Variants in ZER1 observed in about 807,000 individuals in gnomAD.
ZER1 encodes zyg-11 related cell cycle regulator.
A neutral mutation model predicts 78.8 loss-of-function variants in ZER1; 11 were observed. The ratio of observed to expected loss-of-function variants is 0.14; its 90% confidence interval spans 0.09 to 0.23. ZER1 has a LOEUF of 0.23. ZER1 is among the 10% of genes least tolerant of loss of function. The probability of loss-of-function intolerance (pLI) is 1.00; values close to 1 mark genes in which losing one functional copy is unlikely to be tolerated. For synonymous variants in ZER1, 400 were observed against 407.0 expected (o/e 0.98, Z 0.21); for missense variants, 588 against 996.9 (o/e 0.59, Z 5.52).
intron 14 of ZER1, among the ~76,000 whole-genome samples, chr9:128,733,949 G>A (rs1564389554): frequency 7.5e-6 from 1 of 132,486 alleles, no homozygotes; most frequent in East Asian, 2.2e-4. Flanking sequence ...CTAACACGGT[G>A]AAACCCCGTC....
chr9:128,743,108 CTTTTCT>C (rs970197316), intron 8 of ZER1, among the ~76,000 whole-genome samples: 5 of 151,714 alleles, frequency 3.3e-5, no homozygotes, highest in African/African-American at 9.7e-5. Context: ...AATATCTCTG[CTTTTCT>C]TTTTCTTTCT....
chr9:128,768,157 C>T (rs931637816), intron 1 of ZER1, among the ~76,000 whole-genome samples: 5 of 152,124 alleles, frequency 3.3e-5, no homozygotes, highest in African/African-American at 1.2e-4. Context: ...TCAGTTTCAG[C>T]GATTGCGCCA....
Position 128,751,419 on chromosome 9 carries a change from G to C in ZER1, c.1032C>G (p.Ala344=). ...TCCCACTTCCACTGCTCACTTTGTA[G>C]GCTGGAATGTGCGTGAGGCGGCACA... The part of the protein sequence containing the change: ...NSLCRLTHIP[A]YKVSGDKNEE... The change falls in exon 6 of 16, where the codon GCC becomes GCG. Residue 344 remains alanine (A), a synonymous_variant. Coordinates refer to ENST00000291900, the MANE Select transcript of ZER1 (RefSeq NM_006336.4). This position sits in a 1 kb window ranked among gnomAD's most constrained non-coding sequence, Gnocchi z 5.4. The C allele has an allele frequency of 6.2e-7, 1 of 1,614,142 alleles. No homozygotes were observed. The highest frequency in any genetic ancestry group is 8.5e-7 in the Non-Finnish European group (1 of 1,180,038).
At chr9:128,747,082 C>T (rs1202006546) in intron 8 of ZER1, among the ~76,000 whole-genome samples, 2 of 151,776 alleles carry the variant, frequency 1.3e-5, no homozygotes, top group African/African-American at 4.8e-5. Flanking sequence ...TCCTGTAGTC[C>T]CAGCTACTCA....
In ZER1 at chr9:128,731,316, C is replaced by A; in HGVS notation, c.*21G>T. 3.7e-6 allele frequency: 6 copies of A among 1,609,812 alleles called. No homozygotes were observed. Among genetic ancestry groups the A allele is most frequent in the Non-Finnish European group, 5.1e-6 (6 of 1,177,886 alleles). ...CCCCGCCTGTGGTCCAGAGCGGTGG[C>A]GGCCATGGGGACGGAGGCCTCTATC... On this transcript the variant is annotated 3_prime_UTR_variant, in exon 16 of 16. Coordinates refer to ENST00000291900, the MANE Select transcript of ZER1 (RefSeq NM_006336.4).
intron 1 of ZER1, among the ~76,000 whole-genome samples, chr9:128,756,264 G>A (rs1182929245): frequency 3.9e-5 from 6 of 152,154 alleles, no homozygotes; most frequent in African/African-American, 7.2e-5. Flanking sequence ...TGGCTAACAC[G>A]GTGAAACCCT....
At chr9:128,733,241 C>A in intron 15 of ZER1, 185 bp downstream of exon 15, 1 of 526,966 alleles carries the variant, frequency 1.9e-6, no homozygotes, top group Non-Finnish European at 3.4e-6. Flanking sequence ...TAATTTCCAG[C>A]CACAATGTGG....
chr9:128,766,881 C>T (rs1326497111), intron 1 of ZER1, among the ~76,000 whole-genome samples: 1 of 147,336 alleles, frequency 6.8e-6, no homozygotes, highest in Non-Finnish European at 1.5e-5. Flanking sequence ...CCCAGTGTGT[C>T]CAGCTTTCCA....
At chr9:128,736,795 C>T (rs774258498) in intron 13 of ZER1, among the ~76,000 whole-genome samples, 2 of 151,878 alleles carry the variant, frequency 1.3e-5, no homozygotes, top group Non-Finnish European at 2.9e-5. Context: ...CCCACCTCAG[C>T]CTCCTGAGGA....
chr9:128,747,738 G>A (rs1299953592), intron 8 of ZER1, among the ~76,000 whole-genome samples: 1 of 151,928 alleles, frequency 6.6e-6, no homozygotes, highest in Non-Finnish European at 1.5e-5. Context: ...CTTAGCCTCC[G>A]GAGTGGAGTA....
At chr9:128,761,447 C>T (rs1346925904) in intron 1 of ZER1, among the ~76,000 whole-genome samples, 1 of 151,660 alleles carries the variant, frequency 6.6e-6, no homozygotes, top group African/African-American at 2.4e-5. Flanking sequence ...CCCCTACACC[C>T]GGCTAATTTT....
At chr9:128,750,561 C>A in intron 8 of ZER1, 55 bp downstream of exon 8, 1 of 1,592,026 alleles carries the variant, frequency 6.3e-7, no homozygotes, top group Non-Finnish European at 8.6e-7. Flanking sequence ...ACGCAAGAAG[C>A]AGGAAAGGGG....
intron 1 of ZER1, among the ~76,000 whole-genome samples, chr9:128,770,708 T>C (rs1285602064): frequency 6.6e-6 from 1 of 152,208 alleles, no homozygotes; most frequent in Non-Finnish European, 1.5e-5. Context: ...CCTTCACCCC[T>C]GGCCACCACT....
rs1163078630 is a variant in ZER1, at chr9:128,742,890, C to T, written c.1360-145G>A. The T allele has an allele frequency of 3.9e-6, 3 of 764,692 alleles. No individual in the cohort carries two copies. The East Asian group carries it at 8.1e-5, about 21-fold the overall frequency. 47.4% of individuals were successfully genotyped at this position (764,692 alleles called of 1,614,324 possible). A position where few individuals can be genotyped will look rare whatever the true frequency, so the allele number is the denominator to read the frequency against. ...GAAGAGGAGGCTATACAAGTCTTCTCTAAAAAATGTTTTTTAAAAATGTGA... is the reference window on the plus strand; with the variant it reads ...GAAGAGGAGGCTATACAAGTCTTCTTTAAAAAATGTTTTTTAAAAATGTGA... On this transcript the variant is annotated intron_variant, in intron 8 of 15. Coordinates refer to ENST00000291900, the MANE Select transcript of ZER1 (RefSeq NM_006336.4).
Position 128,742,691 on chromosome 9 carries a change from C to G in ZER1, c.1414G>C (p.Glu472Gln), listed in dbSNP as rs1372782377. The change falls in exon 9 of 16, where the codon GAA (glutamate) becomes CAA (glutamine). Residue 472 changes from glutamate to glutamine, a missense_variant. Physicochemically the swap from Glu to Gln is conservative, Grantham distance 29 (BLOSUM62 2). This residue lies in a region of ZER1 where 406 missense variants were observed against 660.1 expected (regional missense o/e 0.62). Coordinates refer to ENST00000291900, the MANE Select transcript of ZER1 (RefSeq NM_006336.4). ...TCGTTGACCCGGCGGTACTGGAATTCCAGCTCCTCGGGGATGCTGAAGTTG... is the reference window on the plus strand; with the variant it reads ...TCGTTGACCCGGCGGTACTGGAATTGCAGCTCCTCGGGGATGCTGAAGTTG... ...LCNFSIPEEL[E>Q]FQYRRVNELL... 1 of 1,613,938 alleles carries G rather than the reference C, an allele frequency of 6.2e-7. No homozygotes were observed. Among genetic ancestry groups the G allele is most frequent in the African/African-American group, 1.3e-5 (1 of 74,926 alleles).
In ZER1 at chr9:128,730,156, CCAGGCCCCTGCGCTCCA is replaced by C. The variant is rs1230082701; in HGVS notation, c.*1164_*1180del. The C allele has an allele frequency of 6.6e-6, 1 of 152,638 alleles. No individual in the cohort carries two copies. Among genetic ancestry groups the C allele is most frequent in the Non-Finnish European group, 1.5e-5 (1 of 68,266 alleles). The allele number at this position is 152,638 out of a possible 1,614,324, so 9.5% of individuals were successfully genotyped here. A position where few individuals can be genotyped will look rare whatever the true frequency, so the allele number is the denominator to read the frequency against. ...CTGCCTCCAGGGTTAGCGCTGCTCC[CCAGGCCCCTGCGCTCCA>C]CAAGTGTCCGATGAGAAGCAATGCA... On this transcript the variant is annotated 3_prime_UTR_variant, in exon 16 of 16. Coordinates refer to ENST00000291900, the MANE Select transcript of ZER1 (RefSeq NM_006336.4).
intron 5 of ZER1, 109 bp downstream of exon 5, chr9:128,752,564 G>A (rs1031506788): frequency 7.4e-6 from 9 of 1,223,832 alleles, no homozygotes; most frequent in African/African-American, 3.1e-5. Context: ...CAAGTGATCC[G>A]CCCATCTTGG....
At chr9:128,766,125 C>T (rs557498274) in intron 1 of ZER1, among the ~76,000 whole-genome samples, 4 of 151,720 alleles carry the variant, frequency 2.6e-5, no homozygotes, top group South Asian at 4.2e-4. Flanking sequence ...CCAAGGCGGG[C>T]GGATCACGAG....
At position 128,733,515 on chromosome 9, in the gene ZER1, G is replaced by A; in HGVS notation, c.2154C>T (p.Cys718=). ...NLVSVYPDKY[C]PLLIKEGGMP... ...TCCCCCCTTCTTTGATCAGCAGAGGGCAGTACTTGTCCGCTGTGGGATAGG... is the reference window on the plus strand; with the variant it reads ...TCCCCCCTTCTTTGATCAGCAGAGGACAGTACTTGTCCGCTGTGGGATAGG... The change falls in exon 15 of 16, where the codon TGC becomes TGT. Residue 718 remains cysteine, a synonymous_variant. Transcript: ENST00000291900. 1 of 1,613,432 alleles carries A rather than the reference G, an allele frequency of 6.2e-7. No homozygotes were observed. Among genetic ancestry groups the A allele is most frequent in the Non-Finnish European group, 8.5e-7 (1 of 1,179,800 alleles).
Sources: gnomAD v4.1 joint callset for allele counts (sites outside exome capture counted in the v4.1 genomes callset) on GRCh38, gnomAD v4.1.1 for gene constraint, gnomAD v4.1.1 regional missense constraint, Gnocchi (gnomAD v3.1) non-coding constraint, MANE v1.5 for transcripts, NCBI Gene and HGNC (gene_info 2026-07-23, HGNC 2026-07-21) for gene names.